TOM1L2: variants seen among roughly 807,000 people sequenced by gnomAD.
The protein encoded by TOM1L2 is TOM1-like protein 2.
In TOM1L2, 31 loss-of-function variants were observed where a neutral mutation model predicts 67.9. That is an observed-to-expected ratio of 0.46 (90% CI 0.34 to 0.62). The LOEUF is 0.62. TOM1L2 is among the 20% of genes least tolerant of loss of function. The pLI is 0.01. For missense variants in TOM1L2, 606 were observed against 663.5 expected, an observed-to-expected ratio of 0.91 and a Z score of 0.95; for synonymous variants, 256 against 254.0, an observed-to-expected ratio of 1.01 and a Z score of -0.07.
chr17:17,850,683 T>C (rs2035917888), intron 13 of TOM1L2, among the ~76,000 whole-genome samples: 3 of 152,120 alleles, frequency 2.0e-5, no homozygotes, highest in South Asian at 2.1e-4. Context: ...CCCAGCACAG[T>C]TGGCCTCCGC....
At chr17:17,877,152 C>T (rs887781865) in intron 7 of TOM1L2, among the ~76,000 whole-genome samples, 4 of 152,234 alleles carry the variant, frequency 2.6e-5, no homozygotes, top group African/African-American at 9.6e-5. Flanking sequence ...TGCCAAGCTT[C>T]CCTGCTGCTC....
At chr17:17,931,572 C>T (rs755080510) in intron 1 of TOM1L2, among the ~76,000 whole-genome samples, 6 of 152,206 alleles carry the variant, frequency 3.9e-5, no homozygotes, top group Non-Finnish European at 7.3e-5. Flanking sequence ...CCCCCTCCCC[C>T]GTACAAAATG....
At chr17:17,927,672 T>TC (rs2040151431) in intron 1 of TOM1L2, among the ~76,000 whole-genome samples, 1 of 151,876 alleles carries the variant, frequency 6.6e-6, no homozygotes. Context: ...ACTTTTTTTT[T>TC]TTTTTTTTGA....
chr17:17,857,667 T>C (rs2036318133), intron 12 of TOM1L2: 12 of 1,037,004 alleles, frequency 1.2e-5, no homozygotes, highest in Middle Eastern at 2.7e-4. Flanking sequence ...TTGTACTGTC[T>C]GATTCACAAA....
chr17:17,910,759 G>A (rs1334792261), intron 1 of TOM1L2, among the ~76,000 whole-genome samples: 3 of 152,008 alleles, frequency 2.0e-5, no homozygotes, highest in Non-Finnish European at 4.4e-5. Context: ...TAGTAGAGAT[G>A]GGTTTCGGCA....
chr17:17,862,633 G>C (rs1406276112), intron 11 of TOM1L2, 98 bp downstream of exon 11: 2 of 1,015,332 alleles, frequency 2.0e-6, no homozygotes, highest in Non-Finnish European at 3.0e-6. Context: ...GGCAGTCCTG[G>C]ACATGGTAAA....
At chr17:17,972,143 G>T in intron 1 of TOM1L2, 119 bp downstream of exon 1, 1 of 1,253,738 alleles carries the variant, frequency 8.0e-7, no homozygotes, top group Non-Finnish European at 1.1e-6. Context: ...GGCACCCGCG[G>T]CTGGCGGAGG....
intron 7 of TOM1L2, among the ~76,000 whole-genome samples, chr17:17,870,556 T>C (rs2037099158): frequency 6.6e-6 from 1 of 152,138 alleles, no homozygotes; most frequent in Non-Finnish European, 1.5e-5. Flanking sequence ...AGGGTGCCAG[T>C]GAGTTAAGGG....
chr17:17,865,747 T>C (rs1016158956), intron 10 of TOM1L2, among the ~76,000 whole-genome samples: 13 of 145,178 alleles, frequency 9.0e-5, no homozygotes, highest in Non-Finnish European at 1.2e-4. Context: ...CCTTTCTTTT[T>C]TTTTTTTTTT....
chr17:17,925,321 T>C (rs998288675), intron 1 of TOM1L2, among the ~76,000 whole-genome samples: 7 of 152,126 alleles, frequency 4.6e-5, no homozygotes, highest in Non-Finnish European at 8.8e-5. Flanking sequence ...ACAAAATTGA[T>C]TTTTAAAAAA....
intron 7 of TOM1L2, among the ~76,000 whole-genome samples, chr17:17,871,352 G>A (rs2037144681): frequency 1.3e-5 from 2 of 151,772 alleles, no homozygotes; most frequent in Non-Finnish European, 2.9e-5. Flanking sequence ...GACTGGGAGA[G>A]AGAGCGAGAC....
chr17:17,896,485 G>T (rs887252296), intron 3 of TOM1L2, among the ~76,000 whole-genome samples: 5 of 152,192 alleles, frequency 3.3e-5, no homozygotes, highest in African/African-American at 1.2e-4. Context: ...CTCAAGGTCA[G>T]TGTGTCCCAG....
intron 2 of TOM1L2, among the ~76,000 whole-genome samples, chr17:17,900,574 G>A (rs1490106100): frequency 6.6e-6 from 1 of 151,420 alleles, no homozygotes; most frequent in Non-Finnish European, 1.5e-5. Context: ...AAGGAGCAAG[G>A]CTACTAGAAG....
intron 4 of TOM1L2, among the ~76,000 whole-genome samples, chr17:17,888,125 A>G (rs1354071115): frequency 6.6e-6 from 1 of 152,146 alleles, no homozygotes; most frequent in East Asian, 1.9e-4. Context: ...CAGAAAGCAA[A>G]GTGATGCAGC....
chr17:17,923,437 C>T (rs1273490950), intron 1 of TOM1L2, among the ~76,000 whole-genome samples: 1 of 152,010 alleles, frequency 6.6e-6, no homozygotes, highest in Non-Finnish European at 1.5e-5. Context: ...ACAACAACAA[C>T]AACAAACACC....
chr17:17,869,776 TTC>T, intron 7 of TOM1L2: 1 of 858,392 alleles, frequency 1.2e-6, no homozygotes, highest in Non-Finnish European at 1.5e-6. Flanking sequence ...AGATTGCTTT[TTC>T]TCAACAAAAT....
rs911834296 is a variant in TOM1L2, at chr17:17,850,494, G to GAAAAC, written c.1338+394_1338+398dup. Reference sequence around the variant, plus strand: ...CTTCACAATTAAAAAAAAAAGAAATGAAAACAAAACAAAACAAAACAAAAA... The same window carrying GAAAAC: ...CTTCACAATTAAAAAAAAAAGAAATGAAAACAAAACAAAACAAAACAAAACAAAAA... On this transcript the variant is annotated intron_variant, in intron 13 of 14. Coordinates refer to ENST00000379504, the MANE Select transcript of TOM1L2 (RefSeq NM_001082968.2). 6.0e-5 allele frequency among the ~76,000 whole-genome samples: 9 copies of GAAAAC among 150,552 alleles called. No homozygotes were observed. In the South Asian group the frequency reaches 1.5e-3, roughly 24 times the overall value.
chr17:17,864,919 CA>C (rs1225808494), intron 10 of TOM1L2, among the ~76,000 whole-genome samples: 3 of 152,142 alleles, frequency 2.0e-5, no homozygotes, highest in Non-Finnish European at 4.4e-5. Flanking sequence ...GCTACAATTA[CA>C]GCAACTGATA....
intron 7 of TOM1L2, among the ~76,000 whole-genome samples, chr17:17,878,581 G>T (rs2037543995): frequency 6.6e-6 from 1 of 152,234 alleles, no homozygotes; most frequent in South Asian, 2.1e-4. Flanking sequence ...TTCACAGGCG[G>T]CAAGCATGTG....
Sources: allele counts gnomAD v4.1 joint callset (sites outside exome capture counted in the v4.1 genomes callset), GRCh38; gene constraint gnomAD v4.1.1; transcripts MANE v1.5; gene names NCBI Gene and HGNC (gene_info 2026-07-23, HGNC 2026-07-21).